The following FGFR1 variants were observed in gnomAD, a reference collection of about 807,000 sequenced individuals.
FGFR1 encodes FGFR1/PLAG1 fusion.
In FGFR1, 18 loss-of-function variants were observed where a neutral mutation model predicts 93.7. The ratio of observed to expected loss-of-function variants is 0.19; its 90% CI spans 0.13 to 0.28. The LOEUF (loss-of-function observed/expected upper bound fraction) is 0.28. Ranked by LOEUF, FGFR1 falls within the 10% of genes least tolerant of loss-of-function variation. FGFR1 has a pLI of 1.00. For missense variants in FGFR1, 731 were observed against 1,080.4 expected (o/e 0.68, Z 4.53); for synonymous variants, 448 against 429.3 (o/e 1.04, Z -0.54).
intron 2 of FGFR1, among the ~76,000 whole-genome samples, chr8:38,443,509 A>G (rs1331734557): frequency 5.3e-5 from 8 of 151,456 alleles, no homozygotes; most frequent in Admixed American, 5.3e-4. Flanking sequence ...AAAAAAAAAA[A>G]AAAGAAAAAC....
chr8:38,429,816 T>C lies in FGFR1; in HGVS notation c.224A>G (p.Glu75Gly), dbSNP rs912197694. The change falls in exon 3 of 18, where the codon GAA becomes GGA. Residue 75 changes from glutamate to glycine, a missense_variant. By Grantham distance (98) the Glu-to-Gly change is moderately conservative. Coordinates refer to ENST00000447712, the MANE Select transcript of FGFR1 (RefSeq NM_023110.3). This position sits in a 1 kb window ranked among gnomAD's most constrained non-coding sequence, Gnocchi z 4.4. Reference sequence around the variant, plus strand: ...CCCTGTGATGCGGGTGCGGTTGCTTTCCGCCAGCTGCACCCCGTCCCGCAG... The same window carrying C: ...CCCTGTGATGCGGGTGCGGTTGCTTCCCGCCAGCTGCACCCCGTCCCGCAG... ...NWLRDGVQLA[E>G]SNRTRITGEE... 9 of 1,613,804 alleles carry C rather than the reference T, an allele frequency of 5.6e-6. No homozygotes were observed. The highest frequency in any genetic ancestry group is 1.1e-5 in the South Asian group (1 of 90,986).
At chr8:38,440,370 C>G in intron 2 of FGFR1, 1 of 1,597,464 alleles carries the variant, frequency 6.3e-7, no homozygotes, top group Non-Finnish European at 8.5e-7. Flanking sequence ...TCACAGCTGC[C>G]ATCCTACAAG....
intron 2 of FGFR1, among the ~76,000 whole-genome samples, chr8:38,443,945 C>G (rs902932292): frequency 6.7e-6 from 1 of 148,186 alleles, no homozygotes; most frequent in Non-Finnish European, 1.5e-5. Context: ...CCCACCTACT[C>G]AGGAGGCTGA....
intron 7 of FGFR1, chr8:38,423,140 C>T: frequency 3.8e-6 from 3 of 779,548 alleles, no homozygotes; most frequent in Non-Finnish European, 7.2e-6. Flanking sequence ...TGAACAGGGT[C>T]AGCACCTCCG....
intron 8 of FGFR1, among the ~76,000 whole-genome samples, chr8:38,421,336 G>C (rs1390907542): frequency 6.6e-6 from 1 of 152,216 alleles, no homozygotes; most frequent in Admixed American, 6.5e-5. Context: ...CAATAGGATG[G>C]CAGTACAGGA....
intron 1 of FGFR1, among the ~76,000 whole-genome samples, chr8:38,460,332 C>T (rs907376486): frequency 6.6e-6 from 1 of 152,146 alleles, no homozygotes; most frequent in African/African-American, 2.4e-5. Context: ...TACTACATCC[C>T]GAAAATACAC....
At chr8:38,464,185 G>A (rs1025247262) in intron 1 of FGFR1, among the ~76,000 whole-genome samples, 10 of 151,966 alleles carry the variant, frequency 6.6e-5, no homozygotes, top group African/African-American at 1.7e-4. Flanking sequence ...ACATGGTGGC[G>A]CATGCTTGCA....
chr8:38,423,206 T>G lies in FGFR1; in HGVS notation c.937-1265A>C, dbSNP rs771899756. On this transcript the variant is annotated intron_variant, in intron 7 of 17. Coordinates refer to ENST00000447712, the MANE Select transcript of FGFR1 (RefSeq NM_023110.3). ...ACAAACCAACGACACACCAGTCAGT[T>G]GGGCAAAGCTGAGATGTGGCCACGC... The G allele has an allele frequency of 3.9e-6, 3 of 776,332 alleles. No individual in the cohort carries two copies. In the South Asian group the frequency reaches 4.1e-5, roughly 11 times the overall value. 48.1% of individuals were successfully genotyped at this position (776,332 alleles called of 1,614,324 possible). A position where few individuals can be genotyped will look rare whatever the true frequency, so the allele number is the denominator to read the frequency against.
chr8:38,467,430 T>C (rs1326396764), intron 1 of FGFR1, among the ~76,000 whole-genome samples: 1 of 152,088 alleles, frequency 6.6e-6, no homozygotes, highest in African/African-American at 2.4e-5. Flanking sequence ...CACCCCAGGC[T>C]TTCCCGGGGG....
chr8:38,440,988 C>T (rs1827240801), intron 2 of FGFR1, among the ~76,000 whole-genome samples: 1 of 152,172 alleles, frequency 6.6e-6, no homozygotes, highest in Non-Finnish European at 1.5e-5. Context: ...TTGTGCGTCC[C>T]ACCTCGTCAC....
At chr8:38,432,072 C>T (rs1301908953) in intron 2 of FGFR1, among the ~76,000 whole-genome samples, 2 of 152,172 alleles carry the variant, frequency 1.3e-5, no homozygotes, top group Non-Finnish European at 2.9e-5. Context: ...TACCCTCTGG[C>T]ATCACAAGGC....
intron 1 of FGFR1, among the ~76,000 whole-genome samples, chr8:38,458,578 A>G (rs1212786422): frequency 5.3e-5 from 8 of 152,152 alleles, no homozygotes; most frequent in Admixed American, 5.2e-4. Flanking sequence ...AGACCACTCC[A>G]TCTAGGGCCA....
intron 7 of FGFR1, chr8:38,423,371 G>C: frequency 3.9e-6 from 2 of 511,028 alleles, no homozygotes; most frequent in South Asian, 4.2e-5. Context: ...ACCCAGGCTG[G>C]AGTGCAGTGG....
At chr8:38,416,491 C>T (rs906539757) in intron 12 of FGFR1, among the ~76,000 whole-genome samples, 8 of 108,712 alleles carry the variant, frequency 7.4e-5, no homozygotes, top group East Asian at 6.0e-4. Flanking sequence ...GAGTTTTGCT[C>T]GTTGCCCAAG....
At chr8:38,425,993 G>T in intron 6 of FGFR1, 129 bp downstream of exon 6, 1 of 1,262,492 alleles carries the variant, frequency 7.9e-7, no homozygotes. Context: ...CCTGCTCAAG[G>T]TGACAAAGCC....
intron 7 of FGFR1, 92 bp from the exon 8 acceptor site, chr8:38,422,033 A>C: frequency 2.1e-6 from 3 of 1,442,550 alleles, no homozygotes; most frequent in Non-Finnish European, 2.9e-6. Context: ...AAGAAGGGGG[A>C]CTAGAGGAAG....
At chr8:38,432,500 C>A (rs1271926100) in intron 2 of FGFR1, among the ~76,000 whole-genome samples, 1 of 151,132 alleles carries the variant, frequency 6.6e-6, no homozygotes, top group Non-Finnish European at 1.5e-5. Flanking sequence ...GCAACCTCTG[C>A]CTCCCGGGTT....
At chr8:38,421,680 G>T in intron 8 of FGFR1, 117 bp downstream of exon 8, 1 of 1,074,454 alleles carries the variant, frequency 9.3e-7, no homozygotes, top group Non-Finnish European at 1.4e-6. Context: ...CACCAGGCAG[G>T]CAGGAGCCCA....
chr8:38,448,435 A>C (rs1830062014), intron 2 of FGFR1, among the ~76,000 whole-genome samples: 1 of 152,170 alleles, frequency 6.6e-6, no homozygotes, highest in South Asian at 2.1e-4. Flanking sequence ...GCGTGCCACC[A>C]CACCTGGCCA....
Sources: gnomAD v4.1 joint callset for allele counts (sites outside exome capture counted in the v4.1 genomes callset) on GRCh38, gnomAD v4.1.1 for gene constraint, Gnocchi (gnomAD v3.1) non-coding constraint, MANE v1.5 for transcripts, NCBI Gene and HGNC (gene_info 2026-07-23, HGNC 2026-07-21) for gene names.